Variants in KDM4B observed in about 807,000 individuals in gnomAD.
The protein encoded by KDM4B is lysine demethylase 4B, also known as lysine-specific demethylase 4B.
A neutral mutation model predicts 125.2 loss-of-function variants in KDM4B; 32 were observed. The observed-to-expected ratio is 0.26, with a 90% confidence interval of 0.19 to 0.34. The LOEUF (loss-of-function observed/expected upper bound fraction) is 0.34. Ranked by LOEUF, KDM4B falls within the 10% of genes least tolerant of loss-of-function variation. The pLI, the probability that KDM4B is intolerant of heterozygous loss-of-function variation, is 1.00. For synonymous variants in KDM4B, 721 were observed against 677.9 expected, an observed-to-expected ratio of 1.06 and a Z score of -0.99; for missense variants, 1,190 against 1,577.7, an observed-to-expected ratio of 0.75 and a Z score of 4.16.
chr19:4,989,705 T>C (rs1449427294), intron 1 of KDM4B, among the ~76,000 whole-genome samples: 2 of 151,628 alleles, frequency 1.3e-5, no homozygotes, highest in Non-Finnish European at 2.9e-5. Flanking sequence ...CAGGCTGGAG[T>C]GCAAGGGCAC....
chr19:5,128,455 C>T lies in KDM4B; in HGVS notation c.1316-2621C>T, dbSNP rs1051241627. On this transcript the variant is annotated intron_variant, in intron 11 of 22. Coordinates refer to ENST00000159111, the MANE Select transcript of KDM4B (RefSeq NM_015015.3). Reference sequence around the variant, plus strand: ...AGTGGGGGGCCTGAGTCCCAGTCCCCGGTGAGGCTGGATGGGCACCGCAGC... The same window carrying T: ...AGTGGGGGGCCTGAGTCCCAGTCCCTGGTGAGGCTGGATGGGCACCGCAGC... Among the ~76,000 whole-genome samples, 5 of 152,280 alleles carry T rather than the reference C, an allele frequency of 3.3e-5. No individual in the cohort carries two copies. The East Asian group carries it at 9.7e-4, about 29-fold the overall frequency.
rs2039240392 is a variant in KDM4B, at chr19:5,115,632, G to A, written c.1116-4021G>A. 6.6e-6 allele frequency among the ~76,000 whole-genome samples: 1 copy of A among 152,268 alleles called. No homozygotes were observed. Among genetic ancestry groups the A allele is most frequent in the Admixed American group, 6.5e-5 (1 of 15,288 alleles). Reference sequence around the variant, plus strand: ...AGGCTGCGCTCCCATGACAAAGGCAGGGCCTGCACAGCAAAGAAGGGCAGA... The same window carrying A: ...AGGCTGCGCTCCCATGACAAAGGCAAGGCCTGCACAGCAAAGAAGGGCAGA... On this transcript the variant is annotated intron_variant, in intron 10 of 22. Coordinates refer to ENST00000159111, the MANE Select transcript of KDM4B (RefSeq NM_015015.3). This position sits in a 1 kb window ranked among gnomAD's most constrained non-coding sequence, Gnocchi z 4.2.
At chr19:4,976,330 T>C (rs2034444527) in intron 1 of KDM4B, among the ~76,000 whole-genome samples, 1 of 149,858 alleles carries the variant, frequency 6.7e-6, no homozygotes, top group South Asian at 2.1e-4. Flanking sequence ...GATGCTGACA[T>C]CCACCCAGAC....
intron 6 of KDM4B, among the ~76,000 whole-genome samples, chr19:5,059,758 G>C (rs1396833630): frequency 6.7e-6 from 1 of 148,364 alleles, no homozygotes. Flanking sequence ...GTGTGTCTGT[G>C]GGTGCCGGTG....
intron 9 of KDM4B, among the ~76,000 whole-genome samples, chr19:5,083,817 G>T (rs1441736297): frequency 6.6e-6 from 1 of 152,218 alleles, no homozygotes; most frequent in Non-Finnish European, 1.5e-5. Flanking sequence ...CCCTCCCAGT[G>T]CAGAGCCTTC....
At chr19:5,111,903 C>T in intron 10 of KDM4B, 1 of 737,786 alleles carries the variant, frequency 1.4e-6, no homozygotes, top group Non-Finnish European at 2.5e-6. Context: ...AAATCCAGAT[C>T]TCATGATTTT....
intron 2 of KDM4B, among the ~76,000 whole-genome samples, chr19:5,024,780 C>T (rs1678202568): frequency 6.6e-6 from 1 of 151,996 alleles, no homozygotes; most frequent in South Asian, 2.1e-4. Flanking sequence ...GAAACCTCGT[C>T]CTACTAAAAA....
intron 9 of KDM4B, among the ~76,000 whole-genome samples, chr19:5,084,187 C>T (rs2038393987): frequency 6.6e-6 from 1 of 151,262 alleles, no homozygotes; most frequent in African/African-American, 2.4e-5. Context: ...GTGGAGGTTG[C>T]AGTGAGCTGA....
At chr19:5,083,105 C>T (rs2038355348) in intron 9 of KDM4B, among the ~76,000 whole-genome samples, 2 of 152,170 alleles carry the variant, frequency 1.3e-5, no homozygotes, top group South Asian at 4.1e-4. Context: ...GTGGCCCTTG[C>T]TTGATTTTTT....
chr19:5,054,690 AG>A (rs1357881327), intron 6 of KDM4B, among the ~76,000 whole-genome samples: 1 of 152,232 alleles, frequency 6.6e-6, no homozygotes, highest in African/African-American at 2.4e-5. Context: ...AGCTGCCAGC[AG>A]GGCATTGCAG....
intron 9 of KDM4B, among the ~76,000 whole-genome samples, chr19:5,101,436 T>C (rs550111566): frequency 6.6e-5 from 10 of 151,668 alleles, no homozygotes; most frequent in Non-Finnish European, 1.0e-4. Flanking sequence ...GGCAGGAGGA[T>C]TGCTTGAGCC....
chr19:5,122,247 C>G (rs747690131), intron 11 of KDM4B, among the ~76,000 whole-genome samples: 1 of 152,198 alleles, frequency 6.6e-6, no homozygotes, highest in East Asian at 1.9e-4. Context: ...TCCTTCACAG[C>G]CACAGTGCAG....
intron 1 of KDM4B, among the ~76,000 whole-genome samples, chr19:4,979,683 C>T (rs569203189): frequency 3.2e-4 from 48 of 152,346 alleles, no homozygotes; most frequent in African/African-American, 9.6e-4. Flanking sequence ...CAACTATTGG[C>T]GTCAGTGTGC....
chr19:5,047,351 G>A (rs2037058354), intron 5 of KDM4B, 125 bp from the exon 6 acceptor site: 1 of 837,856 alleles, frequency 1.2e-6, no homozygotes, highest in Admixed American at 2.7e-5. Context: ...GGGGGCCGCA[G>A]ATACTGGGGT....
chr19:4,994,155 A>G (rs1417477286), intron 1 of KDM4B, among the ~76,000 whole-genome samples: 1 of 150,080 alleles, frequency 6.7e-6, no homozygotes, highest in African/African-American at 2.5e-5. Flanking sequence ...CACATTGCCT[A>G]AGCTGATCTC....
At chr19:5,108,565 A>G (rs2039079928) in intron 9 of KDM4B, among the ~76,000 whole-genome samples, 1 of 152,142 alleles carries the variant, frequency 6.6e-6, no homozygotes, top group Non-Finnish European at 1.5e-5. Flanking sequence ...GGTCGTAAAT[A>G]TGTGAGTGTC....
chr19:5,032,379 C>CTGA (rs2036485893), intron 2 of KDM4B, among the ~76,000 whole-genome samples: 1 of 152,214 alleles, frequency 6.6e-6, no homozygotes, highest in African/African-American at 2.4e-5. Context: ...GCCAGCCAGC[C>CTGA]CCCCGTGACC....
At chr19:5,034,502 G>T (rs1278215698) in intron 3 of KDM4B, among the ~76,000 whole-genome samples, 1 of 152,186 alleles carries the variant, frequency 6.6e-6, no homozygotes, top group Non-Finnish European at 1.5e-5. Context: ...CACGTCTTCT[G>T]CTTTTTTCTT....
intron 6 of KDM4B, among the ~76,000 whole-genome samples, chr19:5,055,108 A>G (rs1402803776): frequency 2.0e-5 from 3 of 152,196 alleles, no homozygotes; most frequent in Non-Finnish European, 2.9e-5. Flanking sequence ...CCTCCTGCCA[A>G]CCTCACTCAC....
Sources: allele counts gnomAD v4.1 joint callset (sites outside exome capture counted in the v4.1 genomes callset), GRCh38; gene constraint gnomAD v4.1.1; non-coding constraint Gnocchi (gnomAD v3.1); transcripts MANE v1.5; gene names NCBI Gene and HGNC (gene_info 2026-07-23, HGNC 2026-07-21).